Variants in EEIG2 observed in about 807,000 individuals in gnomAD.
EEIG2 encodes family with sequence similarity 102 member B.
chr1:108,635,460 T>C, the EEIG2 span: 1 of 247,320 alleles, frequency 4.0e-6, no homozygotes, highest in Non-Finnish European at 7.8e-6. Context: ...CAGCATTATA[T>C]ACATCGGAGT....
chr1:108,601,885 C>T, the EEIG2 span, among the ~76,000 whole-genome samples: 1 of 152,178 alleles, frequency 6.6e-6, no homozygotes, highest in African/African-American at 2.4e-5. Context: ...GACCAGCCAG[C>T]AGTACTATTC....
the EEIG2 span, among the ~76,000 whole-genome samples, chr1:108,588,301 T>C: frequency 6.6e-6 from 1 of 152,194 alleles, no homozygotes; most frequent in African/African-American, 2.4e-5. Context: ...TTTTCCAAAC[T>C]GTACCAATTG....
the EEIG2 span, among the ~76,000 whole-genome samples, chr1:108,561,885 C>T: frequency 1.3e-5 from 2 of 152,132 alleles, no homozygotes; most frequent in Admixed American, 1.3e-4. Flanking sequence ...CAGGGTGCCA[C>T]CCCCGACGCC....
At chr1:108,599,873 T>C in the EEIG2 span, among the ~76,000 whole-genome samples, 1 of 152,150 alleles carries the variant, frequency 6.6e-6, no homozygotes, top group African/African-American at 2.4e-5. Context: ...GTGCCTGTAA[T>C]CCCAGCTACT....
chr1:108,620,500 A>G, the EEIG2 span, among the ~76,000 whole-genome samples: 5 of 152,168 alleles, frequency 3.3e-5, no homozygotes, highest in African/African-American at 9.7e-5. Context: ...AAGAAAAAAG[A>G]TATTTTGAGA....
chr1:108,634,389 C>T, the EEIG2 span, among the ~76,000 whole-genome samples: 1 of 152,162 alleles, frequency 6.6e-6, no homozygotes, highest in Non-Finnish European at 1.5e-5. Flanking sequence ...TTAGAATTTC[C>T]TCTTAAAATG....
chr1:108,571,981 A>C, the EEIG2 span, among the ~76,000 whole-genome samples: 1,215 of 152,240 alleles, frequency 8.0e-3, 15 homozygotes, highest in African/African-American at 0.028. Flanking sequence ...TCATGAGAAA[A>C]ATAACTACAT....
the EEIG2 span, chr1:108,560,360 C>T: frequency 1.4e-6 from 2 of 1,396,040 alleles, no homozygotes; most frequent in Admixed American, 2.4e-5. Context: ...TGGGCTGATC[C>T]GGGGCTCGGC....
chr1:108,599,081 C>T, the EEIG2 span, among the ~76,000 whole-genome samples: 1 of 151,982 alleles, frequency 6.6e-6, no homozygotes, highest in African/African-American at 2.4e-5. Context: ...GGGAAGATCT[C>T]TTTGGCCTGA....
chr1:108,560,544 G>C, the EEIG2 span: 1 of 1,610,902 alleles, frequency 6.2e-7, no homozygotes, highest in Admixed American at 1.7e-5. Flanking sequence ...GACGGCGGCA[G>C]CTTCACCGCC....
the EEIG2 span, among the ~76,000 whole-genome samples, chr1:108,588,866 T>G: frequency 6.6e-6 from 1 of 152,082 alleles, no homozygotes; most frequent in African/African-American, 2.4e-5. Flanking sequence ...TTAATGAAAT[T>G]TTTCATCAAG....
the EEIG2 span, among the ~76,000 whole-genome samples, chr1:108,579,772 T>TGTGTGTGTGTGTGAGAGA: frequency 8.8e-4 from 52 of 58,870 alleles, no homozygotes; most frequent in African/African-American, 2.9e-3. Flanking sequence ...TGTGTGTGTG[T>TGTGTGTGTGTGTGAGAGA]GAGAGAGAGA....
chr1:108,564,316 A>G, the EEIG2 span, among the ~76,000 whole-genome samples: 3 of 152,212 alleles, frequency 2.0e-5, no homozygotes, highest in African/African-American at 7.2e-5. Context: ...TAACCCAGGC[A>G]GGAGCTAATG....
At chr1:108,626,723 T>C in the EEIG2 span, 3 of 152,254 alleles carry the variant, frequency 2.0e-5, no homozygotes, top group African/African-American at 7.2e-5. Context: ...TCAACAGGCA[T>C]CTACTCATCT....
At chr1:108,568,522 TTTTA>T in the EEIG2 span, among the ~76,000 whole-genome samples, 1 of 152,236 alleles carries the variant, frequency 6.6e-6, no homozygotes, top group African/African-American at 2.4e-5. Context: ...ACATTCCTAA[TTTTA>T]TTTGATTCTT....
At chr1:108,600,969 A>G in the EEIG2 span, among the ~76,000 whole-genome samples, 2 of 152,220 alleles carry the variant, frequency 1.3e-5, no homozygotes, top group Non-Finnish European at 2.9e-5. Context: ...TATATCCACT[A>G]TTTGTTAAAT....
At chr1:108,560,344 T>A in the EEIG2 span, 1 of 1,067,628 alleles carries the variant, frequency 9.4e-7, no homozygotes, top group Non-Finnish European at 1.2e-6. Context: ...GCCCCGGCCA[T>A]GGGGCTGGGC....
the EEIG2 span, chr1:108,638,339 A>G: frequency 1.3e-5 from 2 of 152,252 alleles, no homozygotes; most frequent in East Asian, 3.8e-4. Context: ...AAAATCTCCA[A>G]CTAGCCTCCA....
chr1:108,593,856 T>C, the EEIG2 span, among the ~76,000 whole-genome samples: 1 of 152,146 alleles, frequency 6.6e-6, no homozygotes, highest in Non-Finnish European at 1.5e-5. Context: ...CCCAGGCTAG[T>C]GTGCAGTGGC....
Sources: gnomAD v4.1 joint callset for allele counts (sites outside exome capture counted in the v4.1 genomes callset) on GRCh38, gnomAD v4.1.1 for gene constraint, MANE v1.5 for transcripts, NCBI Gene and HGNC (gene_info 2026-07-23, HGNC 2026-07-21) for gene names.